The following SEC61A2 variants were observed in gnomAD, a reference collection of about 807,000 sequenced individuals.
SEC61A2 encodes the protein SEC61 translocon subunit alpha 2.
SEC61A2 carries 28 observed loss-of-function variants against 59.9 expected under a neutral mutation model. That is an observed-to-expected ratio of 0.47 (90% confidence interval 0.35 to 0.64). The LOEUF (loss-of-function observed/expected upper bound fraction) is 0.64. SEC61A2 is among the 30% of genes least tolerant of loss of function. The pLI, the probability that SEC61A2 is intolerant of heterozygous loss-of-function variation, is 0.01. For missense variants in SEC61A2, 340 were observed against 585.9 expected (o/e 0.58, Z 4.33); for synonymous variants, 202 against 214.4 (o/e 0.94, Z 0.50).
At chr10:12,148,683 G>A (rs1834203527) in intron 4 of SEC61A2, among the ~76,000 whole-genome samples, 1 of 151,834 alleles carries the variant, frequency 6.6e-6, no homozygotes, top group Non-Finnish European at 1.5e-5. Flanking sequence ...GGGACTACAG[G>A]CGCACGCCAC....
Position 12,143,860 on chromosome 10 carries a change from G to C in SEC61A2, c.220+665G>C, listed in dbSNP as rs936464406. The stretch of plus-strand genomic sequence containing the variant: ...GATGCTGGACAGTGAGAGTAGCAAG[G>C]GGTACAACCAGTCGTGAGGTTTCTT... On this transcript the variant is annotated intron_variant, in intron 4 of 11. Coordinates refer to ENST00000298428, the MANE Select transcript of SEC61A2 (RefSeq NM_018144.4). The surrounding 1 kb of genome is among the most constrained non-coding windows in gnomAD (Gnocchi z 4.8). 3.3e-5 allele frequency among the ~76,000 whole-genome samples: 5 copies of C among 152,180 alleles called. No homozygotes were observed. The highest frequency in any genetic ancestry group is 1.2e-4 in the African/African-American group (5 of 41,440).
rs1290222467 is a variant in SEC61A2 at position 12,149,170 on chromosome 10, A to T, written c.221-425A>T. 6.6e-6 allele frequency among the ~76,000 whole-genome samples: 1 copy of T among 151,762 alleles called. No individual in the cohort carries two copies. Among genetic ancestry groups the T allele is most frequent in the Non-Finnish European group, 1.5e-5 (1 of 67,966 alleles). ...AGTGGCGCAATCTCGGCTTACTGCA[A>T]CCTCTGCCTTCCAGGTTTAAGCGAT... On this transcript the variant is annotated intron_variant, in intron 4 of 11. Coordinates refer to ENST00000298428, the MANE Select transcript of SEC61A2 (RefSeq NM_018144.4). This position sits in a 1 kb window ranked among gnomAD's most constrained non-coding sequence, Gnocchi z 5.2.
intron 4 of SEC61A2, among the ~76,000 whole-genome samples, chr10:12,147,578 G>A (rs988026928): frequency 2.6e-5 from 4 of 151,920 alleles, no homozygotes; most frequent in South Asian, 2.1e-4. Context: ...TCAGGTACTC[G>A]GGAGGCTGAG....
Position 12,154,705 on chromosome 10 carries a change from C to A in SEC61A2, c.463-1073C>A, listed in dbSNP as rs187653686. On this transcript the variant is annotated intron_variant, in intron 6 of 11. Coordinates refer to ENST00000298428, the MANE Select transcript of SEC61A2 (RefSeq NM_018144.4). This position sits in a 1 kb window ranked among gnomAD's most constrained non-coding sequence, Gnocchi z 5.2. Reference sequence around the variant, plus strand: ...GTAAATAGACAAGTTAGGCTCTGTCCAACTACTGAAATGGCAGTTAAGGAG... The same window carrying A: ...GTAAATAGACAAGTTAGGCTCTGTCAAACTACTGAAATGGCAGTTAAGGAG... 1.5e-3 allele frequency among the ~76,000 whole-genome samples: 230 copies of A among 152,290 alleles called. 1 individual carries two copies. Among genetic ancestry groups the A allele is most frequent in the South Asian group, 8.3e-4 (4 of 4,830 alleles).
chr10:12,134,513 CG>C (rs1564406381), intron 2 of SEC61A2, among the ~76,000 whole-genome samples: 1 of 152,092 alleles, frequency 6.6e-6, no homozygotes, highest in African/African-American at 2.4e-5. Flanking sequence ...CATTTAACAC[CG>C]TACAATGCAG....
rs1834605784 is a variant in SEC61A2, at chr10:12,164,139, C to T, written c.1245-129C>T. The T allele has an allele frequency of 9.8e-7, 1 of 1,023,920 alleles. No individual in the cohort carries two copies. Among genetic ancestry groups the T allele is most frequent in the East Asian group, 2.7e-5 (1 of 37,564 alleles). The allele number at this position is 1,023,920 out of a possible 1,614,324, so 63.4% of individuals were successfully genotyped here. A position where few individuals can be genotyped will look rare whatever the true frequency, so the allele number is the denominator to read the frequency against. On this transcript the variant is annotated intron_variant, in intron 11 of 11. Coordinates refer to ENST00000298428, the MANE Select transcript of SEC61A2 (RefSeq NM_018144.4). The surrounding 1 kb of genome is among the most constrained non-coding windows in gnomAD (Gnocchi z 7.3). ...CCTGCACACCCCTCCACACTGCAGC[C>T]TGTTCCCTCTGGAGTTCAGGGAGGC...
chr10:12,160,450 A>G lies in SEC61A2; in HGVS notation c.976-480A>G, dbSNP rs1333396549. ...AAAATCCAATTATTATATTTATTAA[A>G]AGATTGCTCCTTATAACATAGAAAC... On this transcript the variant is annotated intron_variant, in intron 9 of 11. Transcript: ENST00000298428. The surrounding 1 kb of genome is among the most constrained non-coding windows in gnomAD (Gnocchi z 4.1). Among the ~76,000 whole-genome samples the G allele has an allele frequency of 1.3e-5, 2 of 152,242 alleles. No homozygotes were observed. Among genetic ancestry groups the G allele is most frequent in the Non-Finnish European group, 2.9e-5 (2 of 68,040 alleles).
At chr10:12,148,769 T>C (rs1312167362) in intron 4 of SEC61A2, among the ~76,000 whole-genome samples, 1 of 147,600 alleles carries the variant, frequency 6.8e-6, no homozygotes, top group Admixed American at 6.7e-5. Flanking sequence ...GGTGATCTGT[T>C]GGCTTTGGCC....
Position 12,162,190 on chromosome 10 carries a change from G to C in SEC61A2, c.1168-23G>C. On this transcript the variant is annotated intron_variant, in intron 10 of 11. Coordinates refer to ENST00000298428, the MANE Select transcript of SEC61A2 (RefSeq NM_018144.4). The surrounding 1 kb of genome is among the most constrained non-coding windows in gnomAD (Gnocchi z 6.1). ...CAGTGAAATGTTCCAGTTGGATTTTGAAAGTCGTTTTTCTCTCGGCAGGTA... is the reference window on the plus strand; with the variant it reads ...CAGTGAAATGTTCCAGTTGGATTTTCAAAGTCGTTTTTCTCTCGGCAGGTA... The C allele has an allele frequency of 1.2e-6, 2 of 1,609,198 alleles. No individual in the cohort carries two copies. Among genetic ancestry groups the C allele is most frequent in the Non-Finnish European group, 8.5e-7 (1 of 1,176,030 alleles).
intron 3 of SEC61A2, among the ~76,000 whole-genome samples, chr10:12,139,836 GCAAA>G (rs1833970963): frequency 1.3e-5 from 2 of 151,604 alleles, no homozygotes; most frequent in Non-Finnish European, 2.9e-5. Context: ...GGGCGTGGTG[GCAAA>G]TACCTGTAGT....
chr10:12,158,693 G>A lies in SEC61A2; in HGVS notation c.975+588G>A, dbSNP rs141873637. Reference sequence around the variant, plus strand: ...TGCTGTGAGCTGAGATCACGCCACTGCACTCCAGCCTGGGCGACAGAACGA... The same window carrying A: ...TGCTGTGAGCTGAGATCACGCCACTACACTCCAGCCTGGGCGACAGAACGA... On this transcript the variant is annotated intron_variant, in intron 9 of 11. Coordinates refer to ENST00000298428, the MANE Select transcript of SEC61A2 (RefSeq NM_018144.4). The surrounding 1 kb of genome is among the most constrained non-coding windows in gnomAD (Gnocchi z 5.7). Among the ~76,000 whole-genome samples the A allele has an allele frequency of 2.0e-3, 300 of 152,218 alleles. 1 individual carries two copies. The highest frequency in any genetic ancestry group is 6.4e-3 in the African/African-American group (267 of 41,534).
In SEC61A2 at chr10:12,165,081, T is replaced by TCTCCTC. The variant is rs1272425624; in HGVS notation, c.*634_*639dup. The TCTCCTC allele has an allele frequency of 2.0e-6, 2 of 986,850 alleles. No homozygotes were observed. The highest frequency in any genetic ancestry group is 2.4e-6 in the Non-Finnish European group (2 of 830,442). The allele number at this position is 986,850 out of a possible 1,614,324, so 61.1% of individuals were successfully genotyped here. A position where few individuals can be genotyped will look rare whatever the true frequency, so the allele number is the denominator to read the frequency against. On this transcript the variant is annotated 3_prime_UTR_variant, in exon 12 of 12. Transcript: ENST00000298428. ...TCCTCTTCCTCTTCCTCCTTTTCCT[T>TCTCCTC]CTCCTCCTCCTCTCTTCCCAGTGAC...
chr10:12,132,273 C>G (rs565836330), intron 1 of SEC61A2, among the ~76,000 whole-genome samples: 1 of 150,806 alleles, frequency 6.6e-6, no homozygotes, highest in South Asian at 2.1e-4. Context: ...TGCACTCCAG[C>G]CTGGACCACA....
rs1351171744 is a variant in SEC61A2, at chr10:12,152,107, G to A, written c.462+2146G>A. Among the ~76,000 whole-genome samples, 1 of 151,670 alleles carries A rather than the reference G, an allele frequency of 6.6e-6. No homozygotes were observed. The highest frequency in any genetic ancestry group is 1.5e-5 in the Non-Finnish European group (1 of 67,944). ...GGGCAGGAATTTTTTTTTTCGAGAC[G>A]GAGTCCTGCTCTGTCTCCCAGACTA... On this transcript the variant is annotated intron_variant, in intron 6 of 11. Transcript: ENST00000298428. The surrounding 1 kb of genome is among the most constrained non-coding windows in gnomAD (Gnocchi z 5.5).
rs777079147 is a variant in SEC61A2 at position 12,156,981 on chromosome 10, C to G, written c.691C>G (p.Arg231Gly). 1 of 1,613,996 alleles carries G rather than the reference C, an allele frequency of 6.2e-7. No homozygotes were observed. The highest frequency in any genetic ancestry group is 8.5e-7 in the Non-Finnish European group (1 of 1,179,932). ...CAGGACGGACAAAGTCCGAGCTTTA[C>G]GGGAGGCTTTTTATCGGCAGAACTT... is the stretch of plus-strand genomic sequence containing the variant. The part of the protein sequence containing the change: ...ATRTDKVRAL[R>G]EAFYRQNLPN... Residue 231 changes from arginine (R) to glycine (G), a missense_variant, in exon 8 of 12, where the codon CGG becomes GGG. This residue lies in a region of SEC61A2 where 283 missense variants were observed against 483.2 expected (regional missense o/e 0.59). Transcript: ENST00000298428. This position sits in a 1 kb window ranked among gnomAD's most constrained non-coding sequence, Gnocchi z 5.2.
chr10:12,133,666 G>GC (rs1833815061), intron 2 of SEC61A2, among the ~76,000 whole-genome samples: 1 of 152,220 alleles, frequency 6.6e-6, no homozygotes, highest in African/African-American at 2.4e-5. Flanking sequence ...TACTGGACTA[G>GC]AAATAACCCA....
intron 1 of SEC61A2, among the ~76,000 whole-genome samples, chr10:12,131,682 CTTTTTTTTTTTTT>C (rs1199525836): frequency 6.7e-4 from 31 of 46,538 alleles, no homozygotes; most frequent in African/African-American, 1.1e-3. Flanking sequence ...GATTACATAC[CTTTTTTTTTTTTT>C]TTTTTTTTTT....
Position 12,162,502 on chromosome 10 carries a change from T to C in SEC61A2, c.1244+213T>C. The C allele has an allele frequency of 1.4e-6, 1 of 726,624 alleles. No individual in the cohort carries two copies. Among genetic ancestry groups the C allele is most frequent in the South Asian group, 1.4e-5 (1 of 73,072 alleles). 45.0% of individuals were successfully genotyped at this position (726,624 alleles called of 1,614,324 possible). ...AGCACTGCTCTGCTCATCCCAGTGA[T>C]AAAATCTTGCAGATCAGTGCTGTTC... On this transcript the variant is annotated intron_variant, in intron 11 of 11. Transcript: ENST00000298428. The surrounding 1 kb of genome is among the most constrained non-coding windows in gnomAD (Gnocchi z 6.1).
chr10:12,141,774 C>T (rs933961560), intron 3 of SEC61A2, among the ~76,000 whole-genome samples: 9 of 152,158 alleles, frequency 5.9e-5, no homozygotes, highest in Non-Finnish European at 1.0e-4. Flanking sequence ...TGATTCCTTG[C>T]CCCAGGGGTC....
Sources: allele counts gnomAD v4.1 joint callset (sites outside exome capture counted in the v4.1 genomes callset), GRCh38; gene constraint gnomAD v4.1.1; regional missense constraint gnomAD v4.1.1; non-coding constraint Gnocchi (gnomAD v3.1); transcripts MANE v1.5; gene names NCBI Gene and HGNC (gene_info 2026-07-23, HGNC 2026-07-21).